EYS: variants seen among roughly 807,000 people sequenced by gnomAD.
EYS encodes protein eyes shut homolog.
EYS carries 250 observed loss-of-function variants against 282.1 expected under a neutral mutation model. The ratio of observed to expected loss-of-function variants is 0.89; its 90% CI spans 0.80 to 0.98. The LOEUF (loss-of-function observed/expected upper bound fraction) is 0.98, where lower values mean the gene tolerates loss of function less well. EYS is among the 50% of genes least tolerant of loss of function. The pLI, the probability that EYS is intolerant of heterozygous loss-of-function variation, is 0.00. For missense variants in EYS, 4,016 were observed against 3,709.0 expected, an observed-to-expected ratio of 1.08 and a Z score of -2.15; for synonymous variants, 1,355 against 1,282.9, an observed-to-expected ratio of 1.06 and a Z score of -1.20.
At chr6:64,221,858 T>C (rs1375332565) in intron 31 of EYS, among the ~76,000 whole-genome samples, 1 of 152,040 alleles carries the variant, frequency 6.6e-6, no homozygotes, top group Non-Finnish European at 1.5e-5. Context: ...AAAGGATGAC[T>C]GGATATAGGG....
chr6:63,721,916 G>A, intron 42 of EYS, 119 bp from the exon 43 acceptor site: 1 of 863,898 alleles, frequency 1.2e-6, no homozygotes, highest in South Asian at 1.8e-5. Context: ...AACAGATCTT[G>A]AGCACAATTG....
intron 40 of EYS, among the ~76,000 whole-genome samples, chr6:63,762,984 A>G (rs762648760): frequency 6.6e-6 from 1 of 152,072 alleles, no homozygotes; most frequent in Non-Finnish European, 1.5e-5. Flanking sequence ...AAGCCTAGTG[A>G]AAAGAGATTC....
chr6:65,498,785 T>C (rs1356651564), intron 2 of EYS, among the ~76,000 whole-genome samples: 4 of 151,998 alleles, frequency 2.6e-5, no homozygotes, highest in Non-Finnish European at 5.9e-5. Flanking sequence ...AAAAAGGTGA[T>C]GTAATTTTGA....
At chr6:64,806,972 C>T (rs1445924452) in intron 22 of EYS, among the ~76,000 whole-genome samples, 1 of 152,094 alleles carries the variant, frequency 6.6e-6, no homozygotes, top group Non-Finnish European at 1.5e-5. Context: ...TAGTCCTCTG[C>T]TGTGTGAGTC....
Position 65,478,948 on chromosome 6 carries a change from C to T in EYS, c.862+11646G>A, listed in dbSNP as rs577987754. Reference sequence around the variant, plus strand: ...TCCTTTAAGAACGAACAAAACCAGGCAAAAATAGAATGCATGAGTAAACTC... The same window carrying T: ...TCCTTTAAGAACGAACAAAACCAGGTAAAAATAGAATGCATGAGTAAACTC... On this transcript the variant is annotated intron_variant, in intron 5 of 42. Transcript: ENST00000503581. Among the ~76,000 whole-genome samples, 135 of 152,054 alleles carry T rather than the reference C, an allele frequency of 8.9e-4. 2 individuals are homozygous for T. The highest frequency in any genetic ancestry group is 2.6e-3 in the African/African-American group (109 of 41,498).
At chr6:64,812,201 A>G (rs1176948991) in intron 22 of EYS, among the ~76,000 whole-genome samples, 1 of 151,702 alleles carries the variant, frequency 6.6e-6, no homozygotes, top group Non-Finnish European at 1.5e-5. Context: ...AACAGAAAGT[A>G]TGTTCAAAAC....
At position 64,202,581 on chromosome 6, in the gene EYS, CAG is replaced by C. The variant is rs150564005; in HGVS notation, c.6424+28009_6424+28010del. ...CATAGATAATCGAAAACAGTATCGA[CAG>C]AGTTTGTAATGGGTTGAATTTGTGG... is the stretch of plus-strand genomic sequence containing the variant. On this transcript the variant is annotated intron_variant, in intron 31 of 42. Transcript: ENST00000503581. Among the ~76,000 whole-genome samples the C allele has an allele frequency of 4.9e-3, 747 of 152,208 alleles. 8 individuals carry two copies. The highest frequency in any genetic ancestry group is 0.017 in the African/African-American group (707 of 41,522).
chr6:64,751,886 A>G (rs1485552949), intron 22 of EYS, among the ~76,000 whole-genome samples: 1 of 152,188 alleles, frequency 6.6e-6, no homozygotes, highest in Non-Finnish European at 1.5e-5. Flanking sequence ...TCTGTAACCA[A>G]TGAACTTATA....
intron 8 of EYS, among the ~76,000 whole-genome samples, chr6:65,363,473 C>A (rs183172971): frequency 1.3e-5 from 2 of 151,744 alleles, no homozygotes; most frequent in East Asian, 3.9e-4. Context: ...AAAAATAACT[C>A]CTTTAAGTAT....
intron 9 of EYS, among the ~76,000 whole-genome samples, chr6:65,345,483 A>C (rs1014550942): frequency 6.6e-6 from 1 of 151,762 alleles, no homozygotes; most frequent in Non-Finnish European, 1.5e-5. Context: ...GGAGAACTTT[A>C]ATAGAAGGCC....
chr6:65,132,885 G>A (rs992863851), intron 12 of EYS, among the ~76,000 whole-genome samples: 3 of 151,842 alleles, frequency 2.0e-5, no homozygotes, highest in African/African-American at 4.8e-5. Context: ...AAAAACCAAC[G>A]TACGAAAATC....
intron 32 of EYS, among the ~76,000 whole-genome samples, chr6:64,070,743 T>C (rs1771542644): frequency 3.9e-5 from 6 of 152,108 alleles, no homozygotes. Flanking sequence ...TTTAATAAGA[T>C]TATTGAATTT....
chr6:65,399,059 A>C (rs2150361672), intron 7 of EYS, among the ~76,000 whole-genome samples: 1 of 152,166 alleles, frequency 6.6e-6, no homozygotes, highest in East Asian at 1.9e-4. Flanking sequence ...TGGCAGTGTC[A>C]GTCACCACCA....
At chr6:64,749,751 G>A (rs1227738782) in intron 22 of EYS, among the ~76,000 whole-genome samples, 3 of 152,090 alleles carry the variant, frequency 2.0e-5, no homozygotes, top group East Asian at 3.9e-4. Context: ...AACAGGAATC[G>A]ATAGCCCAGG....
chr6:65,225,764 A>T lies in EYS; in HGVS notation c.2023+70099T>A, dbSNP rs1044919044. Among the ~76,000 whole-genome samples the T allele has an allele frequency of 2.6e-5, 4 of 151,798 alleles. No individual in the cohort carries two copies. The South Asian group carries it at 8.3e-4, about 31-fold the overall frequency. On this transcript the variant is annotated intron_variant, in intron 12 of 42. Transcript: ENST00000503581. ...AAAGAAAACCAATCCACGTAACTTT[A>T]ATTGAAAGAGACCAAAAAACTACAT...
At chr6:65,381,315 A>G (rs140626454) in intron 8 of EYS, among the ~76,000 whole-genome samples, 2,176 of 152,206 alleles carry the variant, frequency 0.014, 28 homozygotes, top group Non-Finnish European at 0.025. Context: ...TGTCCTTTGC[A>G]GAGATGTGGA....
intron 12 of EYS, among the ~76,000 whole-genome samples, chr6:65,284,420 A>G (rs1768304410): frequency 6.6e-6 from 1 of 152,104 alleles, no homozygotes; most frequent in Non-Finnish European, 1.5e-5. Flanking sequence ...TAAGTATACC[A>G]TAAGAAAAAA....
At chr6:64,312,112 C>A (rs1262149188) in intron 29 of EYS, among the ~76,000 whole-genome samples, 1 of 152,138 alleles carries the variant, frequency 6.6e-6, no homozygotes, top group Non-Finnish European at 1.5e-5. Flanking sequence ...CGGAGCCCAA[C>A]AAGCTAAGAT....
chr6:64,848,372 T>C (rs1159701273), intron 19 of EYS, among the ~76,000 whole-genome samples: 1 of 152,088 alleles, frequency 6.6e-6, no homozygotes, highest in Non-Finnish European at 1.5e-5. Flanking sequence ...TCCTCTTGAA[T>C]TGCAGAATAG....
Sources: allele counts gnomAD v4.1 joint callset (sites outside exome capture counted in the v4.1 genomes callset), GRCh38; gene constraint gnomAD v4.1.1; transcripts MANE v1.5; gene names NCBI Gene and HGNC (gene_info 2026-07-23, HGNC 2026-07-21).